Variants in UNC5D observed in about 807,000 individuals in gnomAD.
The protein encoded by UNC5D is unc-5 netrin receptor D.
In UNC5D, 39 loss-of-function variants were observed where a neutral mutation model predicts 105.4. The observed-to-expected ratio is 0.37, with a 90% CI of 0.29 to 0.48. The LOEUF (loss-of-function observed/expected upper bound fraction) is 0.48, where lower values mean the gene tolerates loss of function less well. Ranked by LOEUF, UNC5D falls within the 20% of genes least tolerant of loss-of-function variation. The pLI, the probability that UNC5D is intolerant of heterozygous loss-of-function variation, is 0.98. For synonymous variants in UNC5D, 452 were observed against 450.4 expected (o/e 1.00, Z -0.04); for missense variants, 991 against 1,202.4 (o/e 0.82, Z 2.60).
chr8:35,274,035 A>G (rs1475395230), intron 1 of UNC5D, among the ~76,000 whole-genome samples: 3 of 151,460 alleles, frequency 2.0e-5, no homozygotes, highest in Non-Finnish European at 4.4e-5. Flanking sequence ...ATGAGGATTC[A>G]TTTGTCTACC....
intron 14 of UNC5D, among the ~76,000 whole-genome samples, chr8:35,761,290 G>A (rs554553992): frequency 1.3e-5 from 2 of 152,160 alleles, no homozygotes; most frequent in Admixed American, 6.5e-5. Context: ...TCTGATGCAA[G>A]TGACTTGGTC....
intron 1 of UNC5D, among the ~76,000 whole-genome samples, chr8:35,521,392 G>C (rs970157800): frequency 6.6e-6 from 1 of 152,036 alleles, no homozygotes; most frequent in African/African-American, 2.4e-5. Flanking sequence ...ATTCAACAAA[G>C]ACTTTGTGTA....
chr8:35,765,741 T>G (rs1457434189), intron 14 of UNC5D, among the ~76,000 whole-genome samples: 3 of 152,310 alleles, frequency 2.0e-5, no homozygotes, highest in South Asian at 2.1e-4. Context: ...ATCGTGCTCT[T>G]TTAGTCTCAT....
At chr8:35,611,181 C>G (rs1480133435) in intron 4 of UNC5D, among the ~76,000 whole-genome samples, 1 of 152,030 alleles carries the variant, frequency 6.6e-6, no homozygotes, top group Non-Finnish European at 1.5e-5. Flanking sequence ...GGGAACCAGA[C>G]TAAAACAGAA....
At chr8:35,511,527 G>A (rs1812700686) in intron 1 of UNC5D, among the ~76,000 whole-genome samples, 1 of 150,768 alleles carries the variant, frequency 6.6e-6, no homozygotes. Flanking sequence ...CTTCCAGGAG[G>A]AAGTTGTATG....
chr8:35,308,806 C>CA (rs1201362111), intron 1 of UNC5D, among the ~76,000 whole-genome samples: 1 of 151,864 alleles, frequency 6.6e-6, no homozygotes, highest in Admixed American at 6.6e-5. Flanking sequence ...GACTATCTTT[C>CA]AAAAATGCAT....
At chr8:35,271,649 G>A (rs1805351063) in intron 1 of UNC5D, among the ~76,000 whole-genome samples, 1 of 125,496 alleles carries the variant, frequency 8.0e-6, no homozygotes, top group Non-Finnish European at 1.7e-5. Flanking sequence ...TATACCATAT[G>A]TATACCTATA....
chr8:35,278,554 T>C (rs1805930182), intron 1 of UNC5D, among the ~76,000 whole-genome samples: 1 of 151,684 alleles, frequency 6.6e-6, no homozygotes, highest in Admixed American at 6.6e-5. Context: ...AAATTTCATT[T>C]TTCTGTTGTT....
chr8:35,652,992 C>T (rs1823522762), intron 4 of UNC5D, among the ~76,000 whole-genome samples: 1 of 138,330 alleles, frequency 7.2e-6, no homozygotes, highest in African/African-American at 2.8e-5. Context: ...TGCAGTGGCA[C>T]AATCTTGGCT....
At chr8:35,567,725 G>GGAACTGTGTCCCTGGCATT (rs1177387139) in intron 2 of UNC5D, among the ~76,000 whole-genome samples, 4 of 152,130 alleles carry the variant, frequency 2.6e-5, no homozygotes, top group Non-Finnish European at 5.9e-5. Context: ...AGAACAACTT[G>GGAACTGTGTCCCTGGCATT]GAACTGTGTC....
chr8:35,772,111 A>G (rs1802036320), intron 15 of UNC5D, among the ~76,000 whole-genome samples: 1 of 152,236 alleles, frequency 6.6e-6, no homozygotes. Context: ...GAACATAACT[A>G]AAACCAGTAA....
intron 1 of UNC5D, among the ~76,000 whole-genome samples, chr8:35,297,124 CA>C (rs1807550844): frequency 6.6e-6 from 1 of 152,156 alleles, no homozygotes; most frequent in African/African-American, 2.4e-5. Flanking sequence ...GGGTTCACCT[CA>C]GCTAACGTGG....
intron 1 of UNC5D, among the ~76,000 whole-genome samples, chr8:35,347,929 C>T (rs996164405): frequency 6.6e-6 from 1 of 151,974 alleles, no homozygotes; most frequent in Non-Finnish European, 1.5e-5. Context: ...CTGAGAATAA[C>T]CTGTGATTGG....
chr8:35,605,486 C>T (rs1044714903), intron 4 of UNC5D, among the ~76,000 whole-genome samples: 2 of 152,128 alleles, frequency 1.3e-5, no homozygotes, highest in South Asian at 2.1e-4. Flanking sequence ...GGCTACTTGG[C>T]GGTCAGGGAC....
intron 5 of UNC5D, 54 bp downstream of exon 5, chr8:35,683,781 G>T: frequency 7.1e-7 from 1 of 1,407,850 alleles, no homozygotes; most frequent in Non-Finnish European, 9.2e-7. Context: ...AGAGGTAGAG[G>T]GATGTGTGTT....
chr8:35,762,602 A>G (rs981466453), intron 14 of UNC5D, among the ~76,000 whole-genome samples: 10 of 152,064 alleles, frequency 6.6e-5, no homozygotes, highest in Non-Finnish European at 8.8e-5. Context: ...AGAATTAGCA[A>G]CCCTTCTCTG....
chr8:35,724,231 T>A, intron 9 of UNC5D: 1 of 1,529,358 alleles, frequency 6.5e-7, no homozygotes, highest in Non-Finnish European at 8.7e-7. Flanking sequence ...CTGACCATTT[T>A]GTTTTATTTT....
At chr8:35,420,389 C>A (rs967836023) in intron 1 of UNC5D, among the ~76,000 whole-genome samples, 3 of 152,192 alleles carry the variant, frequency 2.0e-5, no homozygotes, top group Non-Finnish European at 2.9e-5. Flanking sequence ...ACAGCGTTTT[C>A]TCTTCCTATT....
intron 4 of UNC5D, among the ~76,000 whole-genome samples, chr8:35,641,366 CAAAAAAAAA>C (rs377021599): frequency 9.0e-5 from 4 of 44,292 alleles, no homozygotes; most frequent in African/African-American, 3.4e-4. Flanking sequence ...AAAAATAAAG[CAAAAAAAAA>C]AAAAAAAAAA....
Sources: gnomAD v4.1 joint callset for allele counts (sites outside exome capture counted in the v4.1 genomes callset) on GRCh38, gnomAD v4.1.1 for gene constraint, MANE v1.5 for transcripts, NCBI Gene and HGNC (gene_info 2026-07-23, HGNC 2026-07-21) for gene names.